ABCA5: variants seen among roughly 807,000 people sequenced by gnomAD.
ABCA5 encodes ATP binding cassette subfamily A member 5.
Under a neutral mutation model 206.0 loss-of-function variants are expected in ABCA5, and 163 were observed. The ratio of observed to expected loss-of-function variants is 0.79; its 90% CI spans 0.70 to 0.90. The LOEUF (loss-of-function observed/expected upper bound fraction) is 0.90. Among genes scored for constraint, ABCA5 ranks in the 40% least tolerant of loss-of-function variants. The probability of loss-of-function intolerance (pLI) is 0.00; values close to 1 mark genes in which losing one functional copy is unlikely to be tolerated. For missense variants in ABCA5, 1,859 were observed against 1,912.9 expected, an observed-to-expected ratio of 0.97 and a Z score of 0.53; for synonymous variants, 609 against 613.8, an observed-to-expected ratio of 0.99 and a Z score of 0.11.
chr17:69,306,632 C>T (rs2075719371), intron 6 of ABCA5, 93 bp downstream of exon 6: 1 of 577,274 alleles, frequency 1.7e-6, no homozygotes, highest in Admixed American at 4.4e-5. Context: ...AGCACATCAT[C>T]AAGTTAGGTA....
chr17:69,271,344 TAAC>T, intron 20 of ABCA5, 55 bp from the exon 21 acceptor site: 1 of 1,512,812 alleles, frequency 6.6e-7, no homozygotes, highest in Non-Finnish European at 9.0e-7. Context: ...AGGCTTTTAG[TAAC>T]ACTGGGAAGA....
intron 18 of ABCA5, among the ~76,000 whole-genome samples, chr17:69,282,101 CTCT>C: frequency 6.6e-6 from 1 of 152,216 alleles, no homozygotes. Context: ...AAGATCACCA[CTCT>C]TACAGTCTAC....
At position 69,309,401 on chromosome 17, in the gene ABCA5, T is replaced by C. The variant is rs574826423; in HGVS notation, c.330A>G (p.Thr110=). The C allele has an allele frequency of 1.9e-6, 3 of 1,579,706 alleles. No individual in the cohort carries two copies. In the East Asian group the frequency reaches 6.8e-5, roughly 36 times the overall value. The change falls in exon 4 of 39, where the codon ACA becomes ACG. Residue 110 remains threonine (T), a synonymous_variant. Coordinates refer to ENST00000392676, the MANE Select transcript of ABCA5 (RefSeq NM_172232.4). ...LPDVIITEEY[T]NEKEMLTSSL... is the part of the protein sequence containing the mutation. Reference sequence around the variant, plus strand: ...TGGATGTTAACATTTCTTTTTCATTTGTATATTCTTCAGTAATTATGACTG... The same window carrying C: ...TGGATGTTAACATTTCTTTTTCATTCGTATATTCTTCAGTAATTATGACTG...
At chr17:69,323,215 A>G (rs772232645) in intron 1 of ABCA5, among the ~76,000 whole-genome samples, 5 of 152,178 alleles carry the variant, frequency 3.3e-5, no homozygotes, top group Non-Finnish European at 5.9e-5. Flanking sequence ...GGGATAAAAG[A>G]CCGCTGACTG....
chr17:69,319,629 A>G (rs1237908975), intron 1 of ABCA5, among the ~76,000 whole-genome samples: 2 of 152,218 alleles, frequency 1.3e-5, no homozygotes, highest in African/African-American at 4.8e-5. Context: ...ACTGAATTAC[A>G]TGAATGGCAA....
intron 4 of ABCA5, among the ~76,000 whole-genome samples, chr17:69,308,838 T>C (rs970395137): frequency 6.6e-6 from 1 of 152,126 alleles, no homozygotes; most frequent in Non-Finnish European, 1.5e-5. Context: ...TTGATAATAT[T>C]TCTTCATAGA....
intron 11 of ABCA5, among the ~76,000 whole-genome samples, chr17:69,292,167 G>A (rs1469002161): frequency 6.6e-6 from 1 of 151,840 alleles, no homozygotes; most frequent in African/African-American, 2.4e-5. Context: ...AAAACAAGAA[G>A]GAAAAAGTCT....
intron 18 of ABCA5, among the ~76,000 whole-genome samples, chr17:69,279,530 T>C (rs1327284827): frequency 4.6e-5 from 7 of 151,354 alleles, no homozygotes; most frequent in Admixed American, 3.9e-4. Context: ...TGGAAAAAAC[T>C]ACTTTAAAGT....
At chr17:69,317,399 CAAAAAAAAAAAAAA>C (rs1168274624) in intron 1 of ABCA5, among the ~76,000 whole-genome samples, 1 of 74,582 alleles carries the variant, frequency 1.3e-5, no homozygotes, top group Non-Finnish European at 2.4e-5. Context: ...GACTCTGTCT[CAAAAAAAAAAAAAA>C]AAAAAAAAAG....
intron 9 of ABCA5, among the ~76,000 whole-genome samples, chr17:69,298,987 T>C (rs1384274993): frequency 2.0e-5 from 3 of 151,420 alleles, no homozygotes; most frequent in Non-Finnish European, 4.4e-5. Context: ...AAACGAACAA[T>C]CCCATCAAAA....
At chr17:69,296,498 A>T (rs1488657644) in intron 10 of ABCA5, among the ~76,000 whole-genome samples, 1 of 152,232 alleles carries the variant, frequency 6.6e-6, no homozygotes, top group Non-Finnish European at 1.5e-5. Flanking sequence ...TCAAACCCTA[A>T]AAATCTATGA....
rs201784952 is a variant in ABCA5 at position 69,322,090 on chromosome 17, G to A, written c.-16+4962C>T. On this transcript the variant is annotated intron_variant, in intron 1 of 38. Coordinates refer to ENST00000392676, the MANE Select transcript of ABCA5 (RefSeq NM_172232.4). ...TTTATCTTAAAGTACTGGTTACTAC[G>A]GCCAGGCACAGTGGTTCACGCCTGT... Among the ~76,000 whole-genome samples the A allele has an allele frequency of 7.9e-5, 12 of 152,144 alleles. No homozygotes were observed. The East Asian group carries it at 2.3e-3, about 29-fold the overall frequency.
At chr17:69,273,727 A>C (rs1217648808) in intron 20 of ABCA5, among the ~76,000 whole-genome samples, 1 of 152,126 alleles carries the variant, frequency 6.6e-6, no homozygotes, top group Non-Finnish European at 1.5e-5. Context: ...AAGTGCTGGG[A>C]TTACAGGTGG....
At chr17:69,321,963 G>C (rs1385118966) in intron 1 of ABCA5, among the ~76,000 whole-genome samples, 1 of 151,896 alleles carries the variant, frequency 6.6e-6, no homozygotes, top group Non-Finnish European at 1.5e-5. Context: ...GCAAGAAAAT[G>C]GAAAGCCTAC....
At chr17:69,308,514 G>A in intron 4 of ABCA5, 146 bp from the exon 5 acceptor site, 1 of 458,964 alleles carries the variant, frequency 2.2e-6, no homozygotes, top group Admixed American at 3.7e-5. Context: ...GACTTTCAAA[G>A]GTAAACAATA....
chr17:69,287,546 G>T, intron 15 of ABCA5, 67 bp downstream of exon 15: 1 of 1,498,528 alleles, frequency 6.7e-7, no homozygotes, highest in South Asian at 1.4e-5. Flanking sequence ...TCAGGAATTA[G>T]CATCTCTATA....
chr17:69,283,822 ATCTC>A, intron 18 of ABCA5, 127 bp downstream of exon 18: 1 of 958,648 alleles, frequency 1.0e-6, no homozygotes, highest in Non-Finnish European at 1.4e-6. Context: ...CACTATCAGT[ATCTC>A]ATTACTTATT....
At chr17:69,265,640 A>T (rs1484625894) in intron 23 of ABCA5, among the ~76,000 whole-genome samples, 1 of 152,178 alleles carries the variant, frequency 6.6e-6, no homozygotes, top group Non-Finnish European at 1.5e-5. Flanking sequence ...AGAGCTGTCC[A>T]CAGAGATAAA....
Position 69,265,456 on chromosome 17 carries a change from G to A in ABCA5, c.3145-551C>T, listed in dbSNP as rs112185124. Among the ~76,000 whole-genome samples the A allele has an allele frequency of 3.4e-3, 519 of 152,086 alleles. 4 individuals carry two copies. Among genetic ancestry groups the A allele is most frequent in the African/African-American group, 0.012 (499 of 41,536 alleles). ...CATATAAATCTAAGGTGTTATTTAC[G>A]TCACAAGTTTGTTAATGGTAAACTC... On this transcript the variant is annotated intron_variant, in intron 23 of 38. Transcript: ENST00000392676.
Sources: allele counts gnomAD v4.1 joint callset (sites outside exome capture counted in the v4.1 genomes callset), GRCh38; gene constraint gnomAD v4.1.1; transcripts MANE v1.5; gene names NCBI Gene and HGNC (gene_info 2026-07-23, HGNC 2026-07-21).